Variants in SYNCRIP observed in about 807,000 individuals in gnomAD.
The protein encoded by SYNCRIP is synaptotagmin binding cytoplasmic RNA interacting protein.
A neutral mutation model predicts 68.9 loss-of-function variants in SYNCRIP; 9 were observed. The observed-to-expected ratio is 0.13, with a 90% CI of 0.08 to 0.23. SYNCRIP has a LOEUF of 0.23. Ranked by LOEUF, SYNCRIP falls within the 10% of genes least tolerant of loss-of-function variation. The pLI, the probability that SYNCRIP is intolerant of heterozygous loss-of-function variation, is 1.00. For synonymous variants in SYNCRIP, 258 were observed against 254.0 expected, an observed-to-expected ratio of 1.02 and a Z score of -0.15; for missense variants, 414 against 770.6, an observed-to-expected ratio of 0.54 and a Z score of 5.48.
chr6:85,615,969 A>G (rs1301060332), intron 10 of SYNCRIP, among the ~76,000 whole-genome samples: 3 of 152,242 alleles, frequency 2.0e-5, no homozygotes, highest in African/African-American at 7.2e-5. Flanking sequence ...TAAAGACCTT[A>G]AAGTTTTCCT....
At chr6:85,616,489 C>A (rs1483511896) in intron 10 of SYNCRIP, among the ~76,000 whole-genome samples, 3 of 152,002 alleles carry the variant, frequency 2.0e-5, no homozygotes. Flanking sequence ...CCATACCTAG[C>A]CAATTTTTAT....
chr6:85,643,468 G>A (rs1261279798), upstream of SYNCRIP, among the ~76,000 whole-genome samples: 1 of 151,926 alleles, frequency 6.6e-6, no homozygotes, highest in Non-Finnish European at 1.5e-5. Context: ...GGTGGCGGCC[G>A]AGGGGCCGAG....
intron 8 of SYNCRIP, among the ~76,000 whole-genome samples, chr6:85,620,889 T>C (rs1357415797): frequency 6.6e-6 from 1 of 152,240 alleles, no homozygotes; most frequent in Admixed American, 6.5e-5. Flanking sequence ...TAATTTTTCC[T>C]AACAAAGTAA....
chr6:85,641,759 C>T (rs559523015), intron 1 of SYNCRIP, among the ~76,000 whole-genome samples: 1 of 152,282 alleles, frequency 6.6e-6, no homozygotes, highest in Non-Finnish European at 1.5e-5. Context: ...TGCAGCTGTG[C>T]CCGTTCGGAA....
chr6:85,618,547 C>CAA (rs911900965), intron 10 of SYNCRIP, among the ~76,000 whole-genome samples: 5 of 151,294 alleles, frequency 3.3e-5, no homozygotes, highest in Non-Finnish European at 7.4e-5. Context: ...TCACCCAATA[C>CAA]AAAACAAAAA....
intron 6 of SYNCRIP, among the ~76,000 whole-genome samples, chr6:85,629,274 C>T (rs898927956): frequency 3.3e-5 from 5 of 152,130 alleles, no homozygotes; most frequent in African/African-American, 9.7e-5. Flanking sequence ...CCTTCCTTTA[C>T]GCTTTGCACC....
At position 85,614,570 on chromosome 6, in the gene SYNCRIP, A is replaced by G; in HGVS notation, c.*186T>C. On this transcript the variant is annotated 3_prime_UTR_variant, in exon 11 of 11. Coordinates refer to ENST00000369622, the MANE Select transcript of SYNCRIP (RefSeq NM_006372.5). ...AGAATATCTTTATTGAAAAAAATTAAAAATAAAATCAGTTCGCCAGAAGCA... is the reference window on the plus strand; with the variant it reads ...AGAATATCTTTATTGAAAAAAATTAGAAATAAAATCAGTTCGCCAGAAGCA... 14 of 1,289,922 alleles carry G rather than the reference A, an allele frequency of 1.1e-5. No homozygotes were observed. The highest frequency in any genetic ancestry group is 1.4e-5 in the Non-Finnish European group (14 of 1,021,626). The allele number at this position is 1,289,922 out of a possible 1,614,324, so 79.9% of individuals were successfully genotyped here.
chr6:85,613,400 C>T (rs1805409837), downstream of SYNCRIP, among the ~76,000 whole-genome samples: 1 of 152,126 alleles, frequency 6.6e-6, no homozygotes, highest in Non-Finnish European at 1.5e-5. Flanking sequence ...TCACATGTAA[C>T]TTTATTGTCA....
At chr6:85,609,230 C>A (rs1295201239), downstream of SYNCRIP, 1 of 151,848 alleles carries the variant, frequency 6.6e-6, no homozygotes, top group Admixed American at 6.6e-5. Flanking sequence ...GCATGAAGCC[C>A]TTCTATTTAA....
At chr6:85,636,041 G>A (rs1808406813) in intron 6 of SYNCRIP, among the ~76,000 whole-genome samples, 1 of 152,094 alleles carries the variant, frequency 6.6e-6, no homozygotes, top group South Asian at 2.1e-4. Flanking sequence ...CATTCTATGG[G>A]TTTAAATTAG....
chr6:85,635,177 A>G (rs1808303438), intron 6 of SYNCRIP, among the ~76,000 whole-genome samples: 2 of 152,040 alleles, frequency 1.3e-5, no homozygotes, highest in African/African-American at 4.8e-5. Context: ...CAAATCATAA[A>G]AACAAACTAA....
downstream of SYNCRIP, chr6:85,613,942 A>G: frequency 1.0e-6 from 1 of 973,652 alleles, no homozygotes. Context: ...CATTCATCAC[A>G]ATTAAGAACT....
At chr6:85,613,041 T>A, downstream of SYNCRIP, 1 of 1,226,372 alleles carries the variant, frequency 8.2e-7, no homozygotes, top group Non-Finnish European at 1.1e-6. Context: ...ATATACTGTC[T>A]AGCCAAAAAA....
At chr6:85,627,750 T>C (rs1807229749) in intron 6 of SYNCRIP, among the ~76,000 whole-genome samples, 1 of 152,180 alleles carries the variant, frequency 6.6e-6, no homozygotes, top group Non-Finnish European at 1.5e-5. Flanking sequence ...TCTTGTTAGT[T>C]GTAAAAATCT....
chr6:85,613,958 ATACT>A, downstream of SYNCRIP: 1 of 980,414 alleles, frequency 1.0e-6, no homozygotes, highest in Non-Finnish European at 1.2e-6. Context: ...GAACTCTAAA[ATACT>A]TACCAACTTA....
chr6:85,636,628 G>A (rs768936846), intron 6 of SYNCRIP, among the ~76,000 whole-genome samples: 1 of 152,084 alleles, frequency 6.6e-6, no homozygotes, highest in Non-Finnish European at 1.5e-5. Context: ...GATGGCTCAG[G>A]TATGGCCAGG....
chr6:85,640,411 A>C (rs1808991199), intron 3 of SYNCRIP, 35 bp downstream of exon 3: 10 of 1,582,522 alleles, frequency 6.3e-6, no homozygotes, highest in Non-Finnish European at 8.6e-6. Flanking sequence ...AAAACTACTC[A>C]AATTTTTTAA....
intron 6 of SYNCRIP, among the ~76,000 whole-genome samples, chr6:85,626,237 G>A (rs1027156096): frequency 6.6e-6 from 1 of 152,106 alleles, no homozygotes; most frequent in Admixed American, 6.6e-5. Flanking sequence ...ATTAAACTAA[G>A]AACACAATAA....
At chr6:85,622,209 T>TA (rs372171036) in intron 8 of SYNCRIP, among the ~76,000 whole-genome samples, 3,721 of 151,564 alleles carry the variant, frequency 0.025, 65 homozygotes, top group Middle Eastern at 0.038. Flanking sequence ...CCAGCTCTAC[T>TA]AAAAAAAACA....
Sources: gnomAD v4.1 joint callset for allele counts (sites outside exome capture counted in the v4.1 genomes callset) on GRCh38, gnomAD v4.1.1 for gene constraint, MANE v1.5 for transcripts, NCBI Gene and HGNC (gene_info 2026-07-23, HGNC 2026-07-21) for gene names.